The following SGCZ variants were observed in gnomAD, a reference collection of about 807,000 sequenced individuals.
The protein encoded by SGCZ is zeta-sarcoglycan.
A neutral mutation model predicts 41.3 loss-of-function variants in SGCZ; 40 were observed. The observed-to-expected ratio is 0.97, with a 90% CI of 0.75 to 1.26. The LOEUF (loss-of-function observed/expected upper bound fraction) is 1.26. Ranked by LOEUF, SGCZ falls within the 50% of genes most tolerant of loss-of-function variation. The pLI is 0.00. For missense variants in SGCZ, 552 were observed against 369.8 expected, an observed-to-expected ratio of 1.49 and a Z score of -4.04; for synonymous variants, 206 against 137.5, an observed-to-expected ratio of 1.50 and a Z score of -3.49.
At chr8:14,999,999 T>C (rs1289353461) in intron 1 of SGCZ, among the ~76,000 whole-genome samples, 1 of 152,166 alleles carries the variant, frequency 6.6e-6, no homozygotes, top group Non-Finnish European at 1.5e-5. Context: ...AATGTGACTG[T>C]ATTTGCAGAT....
intron 1 of SGCZ, among the ~76,000 whole-genome samples, chr8:14,958,270 T>C (rs571601625): frequency 2.0e-5 from 3 of 152,040 alleles, no homozygotes; most frequent in African/African-American, 7.2e-5. Context: ...AAAATATGTA[T>C]CCATAAAAAA....
chr8:14,261,808 T>C (rs771553906), intron 3 of SGCZ, among the ~76,000 whole-genome samples: 1 of 152,136 alleles, frequency 6.6e-6, no homozygotes, highest in African/African-American at 2.4e-5. Context: ...GGACTAACTC[T>C]TTAGGATATA....
At chr8:14,293,103 C>T (rs987147842) in intron 3 of SGCZ, among the ~76,000 whole-genome samples, 6 of 151,860 alleles carry the variant, frequency 4.0e-5, no homozygotes, top group African/African-American at 1.5e-4. Context: ...CTAAAAAGTA[C>T]AGCCAAAAAT....
chr8:15,179,572 C>T (rs143376453), intron 1 of SGCZ, among the ~76,000 whole-genome samples: 28 of 152,136 alleles, frequency 1.8e-4, no homozygotes, highest in African/African-American at 6.3e-4. Flanking sequence ...ACAATTCATG[C>T]TGGGAAATGC....
At chr8:15,149,116 T>C (rs957972198) in intron 1 of SGCZ, among the ~76,000 whole-genome samples, 4 of 152,112 alleles carry the variant, frequency 2.6e-5, no homozygotes, top group African/African-American at 9.7e-5. Context: ...TCACCGGTGG[T>C]CCTTCCCCAC....
chr8:14,138,837 G>A (rs771858831), intron 5 of SGCZ, among the ~76,000 whole-genome samples: 22 of 151,976 alleles, frequency 1.4e-4, no homozygotes, highest in Non-Finnish European at 2.6e-4. Flanking sequence ...TGCACCAAGC[G>A]GACCTAATAG....
At chr8:14,517,346 G>C (rs1396648636) in intron 2 of SGCZ, among the ~76,000 whole-genome samples, 1 of 152,040 alleles carries the variant, frequency 6.6e-6, no homozygotes, top group African/African-American at 2.4e-5. Flanking sequence ...TTTCATTTTA[G>C]TGCAGCAAAC....
intron 2 of SGCZ, among the ~76,000 whole-genome samples, chr8:14,419,426 CTA>C (rs1799580734): frequency 6.6e-6 from 1 of 151,800 alleles, no homozygotes; most frequent in African/African-American, 2.4e-5. Context: ...AATTTATCCT[CTA>C]TGAGATTTTT....
intron 1 of SGCZ, among the ~76,000 whole-genome samples, chr8:14,824,897 T>C (rs1029853860): frequency 6.6e-6 from 1 of 152,112 alleles, no homozygotes; most frequent in Non-Finnish European, 1.5e-5. Context: ...TATATGCTTA[T>C]GGATACCAAT....
chr8:14,339,019 T>C (rs117232494), intron 2 of SGCZ, among the ~76,000 whole-genome samples: 2,351 of 152,304 alleles, frequency 0.015, 26 homozygotes, highest in Non-Finnish European at 0.024. Context: ...TTAGAGAAAT[T>C]AGTACATTAA....
intron 1 of SGCZ, among the ~76,000 whole-genome samples, chr8:15,192,454 A>G (rs1450658262): frequency 2.6e-5 from 4 of 152,170 alleles, no homozygotes; most frequent in Non-Finnish European, 5.9e-5. Context: ...TTGAAAAAAG[A>G]AACACATCAA....
intron 2 of SGCZ, among the ~76,000 whole-genome samples, chr8:14,457,972 G>A (rs780807780): frequency 5.3e-5 from 8 of 152,008 alleles, no homozygotes; most frequent in Non-Finnish European, 7.4e-5. Context: ...TCGTCACCAC[G>A]CACAGGGAGA....
At chr8:14,233,295 T>C (rs965446424) in intron 4 of SGCZ, among the ~76,000 whole-genome samples, 2 of 151,902 alleles carry the variant, frequency 1.3e-5, no homozygotes, top group African/African-American at 4.8e-5. Context: ...AAGCAATATA[T>C]AGCTTAATAA....
intron 1 of SGCZ, among the ~76,000 whole-genome samples, chr8:15,202,397 G>A (rs1343495294): frequency 3.3e-5 from 5 of 152,172 alleles, no homozygotes; most frequent in Non-Finnish European, 5.9e-5. Flanking sequence ...GGTAACTCAG[G>A]AATGGAAAGC....
At chr8:14,779,330 C>T (rs1800511233) in intron 1 of SGCZ, among the ~76,000 whole-genome samples, 1 of 152,196 alleles carries the variant, frequency 6.6e-6, no homozygotes, top group South Asian at 2.1e-4. Context: ...CAAGCATTTC[C>T]ACTGAGAAGC....
chr8:14,625,523 T>C (rs1806426074), intron 1 of SGCZ, among the ~76,000 whole-genome samples: 1 of 152,208 alleles, frequency 6.6e-6, no homozygotes, highest in African/African-American at 2.4e-5. Flanking sequence ...CAGCTGAGAT[T>C]TCATACCTAG....
chr8:14,165,677 C>A (rs1360465841), intron 4 of SGCZ, among the ~76,000 whole-genome samples: 1 of 152,100 alleles, frequency 6.6e-6, no homozygotes, highest in African/African-American at 2.4e-5. Flanking sequence ...TAGAACCCAG[C>A]TGAGTCAGGG....
intron 4 of SGCZ, among the ~76,000 whole-genome samples, chr8:14,195,507 G>A (rs532678813): frequency 2.0e-4 from 30 of 152,060 alleles, no homozygotes; most frequent in Admixed American, 2.0e-3. Flanking sequence ...GAGAAATGAT[G>A]GGATAAAGTT....
chr8:14,225,553 A>G (rs1329903954), intron 4 of SGCZ, among the ~76,000 whole-genome samples: 1 of 152,114 alleles, frequency 6.6e-6, no homozygotes, highest in East Asian at 1.9e-4. Context: ...AATAATACTA[A>G]TTGGTTCATT....
Sources: gnomAD v4.1 joint callset for allele counts (sites outside exome capture counted in the v4.1 genomes callset) on GRCh38, gnomAD v4.1.1 for gene constraint, MANE v1.5 for transcripts, NCBI Gene and HGNC (gene_info 2026-07-23, HGNC 2026-07-21) for gene names.